Variants in ABI3BP observed in about 807,000 individuals in gnomAD.
The protein encoded by ABI3BP is target of Nesh-SH3.
Under a neutral mutation model 268.6 loss-of-function variants are expected in ABI3BP, and 216 were observed. That is an observed-to-expected ratio of 0.80 (90% CI 0.72 to 0.90). ABI3BP has a LOEUF of 0.90. Among genes scored for constraint, ABI3BP ranks in the 40% least tolerant of loss-of-function variants. The pLI, the probability that ABI3BP is intolerant of heterozygous loss-of-function variation, is 0.00. For missense variants in ABI3BP, 2,090 were observed against 2,182.4 expected, an observed-to-expected ratio of 0.96 and a Z score of 0.84; for synonymous variants, 730 against 730.0, an observed-to-expected ratio of 1.00 and a Z score of 0.00.
chr3:100,883,091 A>G (rs780097851), intron 6 of ABI3BP, among the ~76,000 whole-genome samples: 5 of 152,162 alleles, frequency 3.3e-5, no homozygotes, highest in Non-Finnish European at 7.4e-5. Context: ...CACAGTACTA[A>G]GCCAATTGGT....
At chr3:100,920,368 C>G (rs1042861426) in intron 2 of ABI3BP, among the ~76,000 whole-genome samples, 25 of 152,106 alleles carry the variant, frequency 1.6e-4, no homozygotes, top group African/African-American at 5.6e-4. Flanking sequence ...CAGCAACTGA[C>G]AAAATTTATA....
chr3:100,818,630 C>A (rs1319166376), intron 40 of ABI3BP, 49 bp from the exon 41 acceptor site: 19 of 1,384,130 alleles, frequency 1.4e-5, no homozygotes, highest in East Asian at 2.5e-5. Context: ...TAAATTATAT[C>A]TTTCCATTAT....
intron 17 of ABI3BP, 46 bp from the exon 18 acceptor site, chr3:100,848,921 G>C: frequency 6.5e-7 from 1 of 1,542,796 alleles, no homozygotes. Flanking sequence ...ATTTTTCAGG[G>C]GTCAATCAGG....
chr3:100,822,494 G>A, intron 38 of ABI3BP, 95 bp downstream of exon 38: 3 of 1,041,890 alleles, frequency 2.9e-6, no homozygotes, highest in Non-Finnish European at 4.2e-6. Context: ...CCCTCTCACA[G>A]GGGCCTATTG....
chr3:100,889,293 T>C (rs1302508762), intron 4 of ABI3BP, among the ~76,000 whole-genome samples: 1 of 152,112 alleles, frequency 6.6e-6, no homozygotes, highest in African/African-American at 2.4e-5. Context: ...GCCCTGATAA[T>C]CAGTGACAGA....
Position 100,885,557 on chromosome 3 carries a change from G to T in ABI3BP, c.675C>A (p.Thr225=), listed in dbSNP as rs756943944. ...SKKVNGKIQS[T]YDQDHTVPAY... ...ATACCACTGTGTGGTCTTGGTCATA[G>T]GTACTTTGGATTTTCCCATTTACTT... Residue 225 remains threonine, a synonymous_variant, in exon 6 of 68, where the codon ACC becomes ACA. Coordinates refer to ENST00000471714, the MANE Select transcript of ABI3BP (RefSeq NM_001375547.2). 1.7e-5 allele frequency: 27 copies of T among 1,561,750 alleles called. No individual in the cohort carries two copies. The Middle Eastern group carries it at 5.0e-4, about 29-fold the overall frequency.
chr3:100,762,719 C>T (rs1431536554), intron 63 of ABI3BP, among the ~76,000 whole-genome samples: 1 of 152,172 alleles, frequency 6.6e-6, no homozygotes, highest in Non-Finnish European at 1.5e-5. Flanking sequence ...CATTGAATCT[C>T]TGACATACCT....
chr3:100,961,565 T>A (rs533580651), intron 1 of ABI3BP, among the ~76,000 whole-genome samples: 1 of 152,296 alleles, frequency 6.6e-6, no homozygotes, highest in African/African-American at 2.4e-5. Flanking sequence ...TAGAGCTACA[T>A]CAAGTTATGA....
intron 18 of ABI3BP, 30 bp downstream of exon 18, chr3:100,848,771 C>T: frequency 1.3e-6 from 2 of 1,591,088 alleles, no homozygotes; most frequent in Non-Finnish European, 1.7e-6. Flanking sequence ...TCTGGAATTA[C>T]ATATCATGTA....
intron 14 of ABI3BP, among the ~76,000 whole-genome samples, chr3:100,858,822 T>C (rs973319162): frequency 6.6e-6 from 1 of 152,170 alleles, no homozygotes; most frequent in African/African-American, 2.4e-5. Flanking sequence ...TCTCTAATTA[T>C]GTGGCACACA....
chr3:100,814,120 A>G (rs2097939855), intron 44 of ABI3BP, among the ~76,000 whole-genome samples: 1 of 152,154 alleles, frequency 6.6e-6, no homozygotes. Flanking sequence ...GAGTAGCTAT[A>G]ACAGAAACTG....
At chr3:100,942,302 A>G (rs939691533) in intron 1 of ABI3BP, among the ~76,000 whole-genome samples, 1 of 152,164 alleles carries the variant, frequency 6.6e-6, no homozygotes, top group Non-Finnish European at 1.5e-5. Context: ...GGGTGGAAGA[A>G]AGAATATATA....
intron 1 of ABI3BP, among the ~76,000 whole-genome samples, chr3:100,982,155 A>T (rs938724932): frequency 6.6e-6 from 1 of 152,032 alleles, no homozygotes; most frequent in Admixed American, 6.5e-5. Flanking sequence ...CTGAGAACTC[A>T]CTATCACGAG....
intron 2 of ABI3BP, among the ~76,000 whole-genome samples, chr3:100,905,639 T>G (rs2053049809): frequency 6.6e-6 from 1 of 152,170 alleles, no homozygotes; most frequent in Non-Finnish European, 1.5e-5. Context: ...GAATTAGTTT[T>G]GTGCAGCATT....
chr3:100,983,073 A>C (rs913703522), intron 1 of ABI3BP, among the ~76,000 whole-genome samples: 3 of 152,220 alleles, frequency 2.0e-5, no homozygotes, highest in African/African-American at 7.2e-5. Context: ...TTGGAAAACC[A>C]GAATGTTTTC....
intron 59 of ABI3BP, among the ~76,000 whole-genome samples, chr3:100,775,620 G>C (rs555763705): frequency 6.6e-6 from 1 of 152,078 alleles, no homozygotes; most frequent in Non-Finnish European, 1.5e-5. Context: ...GAGGGTTGTC[G>C]GTTTGGAGTG....
At chr3:100,849,976 G>T in intron 17 of ABI3BP, 69 bp downstream of exon 17, 1 of 1,332,546 alleles carries the variant, frequency 7.5e-7, no homozygotes, top group East Asian at 2.4e-5. Context: ...ATTCTGAAAT[G>T]GCCAACATGA....
chr3:100,867,570 G>A (rs1012607374), intron 9 of ABI3BP, among the ~76,000 whole-genome samples: 1 of 149,434 alleles, frequency 6.7e-6, no homozygotes, highest in African/African-American at 2.5e-5. Flanking sequence ...GAACCCGGGA[G>A]GTGGAGCTTG....
chr3:100,778,445 G>C, intron 58 of ABI3BP, 69 bp from the exon 59 acceptor site: 2 of 1,410,320 alleles, frequency 1.4e-6, no homozygotes, highest in African/African-American at 2.9e-5. Context: ...GAAAAAAACA[G>C]GGTTTTTAAA....
Sources: gnomAD v4.1 joint callset for allele counts (sites outside exome capture counted in the v4.1 genomes callset) on GRCh38, gnomAD v4.1.1 for gene constraint, MANE v1.5 for transcripts, NCBI Gene and HGNC (gene_info 2026-07-23, HGNC 2026-07-21) for gene names.